The following STXBP2 variants were observed in gnomAD, a reference collection of about 807,000 sequenced individuals.
The protein encoded by STXBP2 is syntaxin-binding protein 2.
A neutral mutation model predicts 72.2 loss-of-function variants in STXBP2; 47 were observed. The observed-to-expected ratio is 0.65, with a 90% confidence interval of 0.51 to 0.83. The LOEUF is 0.83. Ranked by LOEUF, STXBP2 falls within the 40% of genes least tolerant of loss-of-function variation. STXBP2 has a pLI of 0.00. For synonymous variants in STXBP2, 367 were observed against 338.7 expected (o/e 1.08, Z -0.92); for missense variants, 702 against 807.6 (o/e 0.87, Z 1.58).
the STXBP2 span, chr19:7,631,406 G>A: frequency 5.4e-6 from 5 of 925,056 alleles, no homozygotes; most frequent in Admixed American, 2.7e-5. Flanking sequence ...GGGCGGGGGG[G>A]GGTGGTCCCG....
chr19:7,640,070 G>C (rs532345537), intron 4 of STXBP2: 1 of 629,016 alleles, frequency 1.6e-6, no homozygotes, highest in Non-Finnish European at 3.0e-6. Flanking sequence ...GTGTGTATGC[G>C]TGTGTGTCTG....
chr19:7,633,494 C>T (rs371603601), upstream of STXBP2: 1,051 of 1,556,322 alleles, frequency 6.8e-4, 8 homozygotes, highest in Middle Eastern at 2.0e-3. Context: ...CTGGCCTCTG[C>T]CCCGGCCCAG....
In STXBP2 at chr19:7,647,400, C is replaced by G; in HGVS notation, c.1585C>G (p.Arg529Gly). Residue 529 changes from arginine to glycine, a missense_variant, in exon 18 of 19, where the codon CGG becomes GGG. Transcript: ENST00000221283. ...CAAGAACAAGGCTGGCATAGAAGCC[C>G]GGGCGGGCCCCCGGCTCATCGTGTA... The part of the protein sequence containing the change: ...WHKNKAGIEA[R>G]AGPRLIVYVM... 1 of 1,613,490 alleles carries G rather than the reference C, an allele frequency of 6.2e-7. No homozygotes were observed. The highest frequency in any genetic ancestry group is 8.5e-7 in the Non-Finnish European group (1 of 1,179,972).
chr19:7,638,861 A>C, intron 2 of STXBP2, 86 bp downstream of exon 2: 2 of 1,595,428 alleles, frequency 1.3e-6, no homozygotes, highest in Non-Finnish European at 1.7e-6. Context: ...ACCCCCAAGA[A>C]CTGCCTGTCC....
chr19:7,640,282 A>T (rs1162647779), intron 4 of STXBP2: 1 of 514,964 alleles, frequency 1.9e-6, no homozygotes, highest in Admixed American at 2.3e-5. Flanking sequence ...ATGTATGTGC[A>T]TCTGTGTGCA....
chr19:7,643,332 C>T, intron 13 of STXBP2, 87 bp downstream of exon 13: 12 of 1,101,730 alleles, frequency 1.1e-5, no homozygotes, highest in South Asian at 5.9e-5. Context: ...ATGGGGGGTT[C>T]TGGGGGAGGG....
rs113939878 is a variant in STXBP2, at chr19:7,638,725, G to A, written c.38-1G>A. The A allele has an allele frequency of 6.2e-7, 1 of 1,614,132 alleles. No individual in the cohort carries two copies. Among genetic ancestry groups the A allele is most frequent in the South Asian group, 1.1e-5 (1 of 91,070 alleles). ...TGACCCCTCCCCTCCCTTCCCTGCA[G>A]AAATTCTGAGCGGAGTTATTCGGAG... On this transcript the variant is annotated splice_acceptor_variant, in intron 1 of 18. Coordinates refer to ENST00000221283, the MANE Select transcript of STXBP2 (RefSeq NM_006949.4). LOFTEE classifies it high-confidence loss of function.
At chr19:7,630,890 A>G in the STXBP2 span, 1 of 1,536,748 alleles carries the variant, frequency 6.5e-7, no homozygotes, top group African/African-American at 1.4e-5. Flanking sequence ...AGGAGGCTGG[A>G]TTCTTGTATC....
At chr19:7,640,041 T>C (rs1429349210) in intron 4 of STXBP2, 1 of 655,332 alleles carries the variant, frequency 1.5e-6, no homozygotes, top group Non-Finnish European at 2.8e-6. Context: ...TGTGCGTCTG[T>C]GTGTGCATTT....
In STXBP2 at chr19:7,644,611, C is replaced by T. The variant is rs1475882314; in HGVS notation, c.1108-3C>T. On this transcript the variant is annotated splice_polypyrimidine_tract_variant and splice_region_variant and intron_variant, in intron 13 of 18. Coordinates refer to ENST00000221283, the MANE Select transcript of STXBP2 (RefSeq NM_006949.4). ...CGGTGGACGGCTGACCCCATGCCCG[C>T]AGGACCTGGCCATGGGCTCCGACGC... 14 of 1,612,102 alleles carry T rather than the reference C, an allele frequency of 8.7e-6. No homozygotes were observed. Among genetic ancestry groups the T allele is most frequent in the Non-Finnish European group, 1.1e-5 (13 of 1,179,788 alleles).
upstream of STXBP2, chr19:7,632,575 A>C (rs2031366659): frequency 1.2e-6 from 2 of 1,601,014 alleles, no homozygotes; most frequent in African/African-American, 2.7e-5. This position sits in a 1 kb window ranked among gnomAD's most constrained non-coding sequence, Gnocchi z 5.2. Context: ...CCCCAACCCT[A>C]CCCCTTCACC....
Position 7,647,375 on chromosome 19 carries a change from C to T in STXBP2, c.1560C>T (p.His520=). 5.6e-6 allele frequency: 9 copies of T among 1,613,510 alleles called. No individual in the cohort carries two copies. The highest frequency in any genetic ancestry group is 7.6e-6 in the Non-Finnish European group (9 of 1,179,982). Residue 520 remains histidine, a synonymous_variant, in exon 18 of 19, where the codon CAC becomes CAT. Transcript: ENST00000221283. ...ACAGTGCCCGCTTCGGTCACTGGCACAAGAACAAGGCTGGCATAGAAGCCC... is the reference window on the plus strand; with the variant it reads ...ACAGTGCCCGCTTCGGTCACTGGCATAAGAACAAGGCTGGCATAGAAGCCC... ...AAVSARFGHW[H]KNKAGIEARA... is the part of the protein sequence containing the mutation.
chr19:7,637,689 G>A (rs8103237), intron 1 of STXBP2, among the ~76,000 whole-genome samples: 73,731 of 151,952 alleles, frequency 0.49, 19,055 homozygotes, highest in East Asian at 0.7. Flanking sequence ...GCTGGAGGAC[G>A]CAGGCGTCCA....
chr19:7,641,040 T>C, intron 6 of STXBP2, 37 bp downstream of exon 6: 1 of 1,602,940 alleles, frequency 6.2e-7, no homozygotes, highest in Non-Finnish European at 8.5e-7. Context: ...GGGGTGGGGG[T>C]TTGTGACCAA....
At chr19:7,645,119 C>T (rs1379713094) in intron 14 of STXBP2, 78 bp from the exon 15 acceptor site, 3 of 1,504,196 alleles carry the variant, frequency 2.0e-6, no homozygotes, top group Non-Finnish European at 2.7e-6. Flanking sequence ...CTGGGAGCTC[C>T]TCAGCCCACC....
chr19:7,642,004 G>T lies in STXBP2; in HGVS notation c.579-30G>T. 1 of 1,613,384 alleles carries T rather than the reference G, an allele frequency of 6.2e-7. No individual in the cohort carries two copies. The stretch of plus-strand genomic sequence containing the variant: ...CCCATCCTTGACCCCATCCCCTGAT[G>T]ATGTCCCCCGTGTCTGACCTCCCCG... On this transcript the variant is annotated intron_variant, in intron 7 of 18. Transcript: ENST00000221283. The surrounding 1 kb of genome is among the most constrained non-coding windows in gnomAD (Gnocchi z 6.0).
At chr19:7,644,512 A>G in intron 13 of STXBP2, 102 bp from the exon 14 acceptor site, 1 of 1,530,332 alleles carries the variant, frequency 6.5e-7, no homozygotes, top group African/African-American at 1.4e-5. Context: ...GTAGGACCCA[A>G]ATGTCCTCTT....
At position 7,640,671 on chromosome 19, in the gene STXBP2, A is replaced by C. The variant is rs191297595; in HGVS notation, c.247-60A>C. On this transcript the variant is annotated intron_variant, in intron 4 of 18. Transcript: ENST00000221283. Reference sequence around the variant, plus strand: ...CAGATGGGGGGTGGCTGGGAGGCCTAGGCAGCCAATGAGCCTAGGTGTGCA... The same window carrying C: ...CAGATGGGGGGTGGCTGGGAGGCCTCGGCAGCCAATGAGCCTAGGTGTGCA... 1.7e-3 allele frequency: 2,719 copies of C among 1,607,842 alleles called. 44 individuals carry two copies. In the African/African-American group the frequency reaches 0.032, roughly 19 times the overall value.
chr19:7,631,662 G>A, the STXBP2 span: 22 of 1,467,082 alleles, frequency 1.5e-5, no homozygotes, highest in Admixed American at 4.5e-5. Flanking sequence ...TTTGGGGGCC[G>A]AGTGAGACCC....
Sources: gnomAD v4.1 joint callset for allele counts (sites outside exome capture counted in the v4.1 genomes callset) on GRCh38, gnomAD v4.1.1 for gene constraint, Gnocchi (gnomAD v3.1) non-coding constraint, MANE v1.5 for transcripts, NCBI Gene and HGNC (gene_info 2026-07-23, HGNC 2026-07-21) for gene names.